The following ATP8A2 variants were observed in gnomAD, a reference collection of about 807,000 sequenced individuals.
The protein encoded by ATP8A2 is ATPase phospholipid transporting 8A2, also known as phospholipid-transporting ATPase IB.
Under a neutral mutation model 165.6 loss-of-function variants are expected in ATP8A2, and 100 were observed. The observed-to-expected ratio is 0.60, with a 90% CI of 0.51 to 0.71. ATP8A2 has a LOEUF of 0.71. Among genes scored for constraint, ATP8A2 ranks in the 30% least tolerant of loss-of-function variants. ATP8A2 has a pLI of 0.00. For synonymous variants in ATP8A2, 543 were observed against 548.8 expected, an observed-to-expected ratio of 0.99 and a Z score of 0.15; for missense variants, 1,227 against 1,479.5, an observed-to-expected ratio of 0.83 and a Z score of 2.80.
Position 25,866,978 on chromosome 13 carries a change from T to C in ATP8A2, c.3183+4570T>C, listed in dbSNP as rs116515286. Among the ~76,000 whole-genome samples, 756 of 152,278 alleles carry C rather than the reference T, an allele frequency of 5.0e-3. 7 individuals are homozygous for C. The highest frequency in any genetic ancestry group is 0.017 in the African/African-American group (701 of 41,558). On this transcript the variant is annotated intron_variant, in intron 33 of 36. Transcript: ENST00000381655. ...CCACGAGACATGAAATCGTTAACCA[T>C]GGAAAAATTCTCCTCACTAACTTTT...
chr13:25,626,122 T>C (rs1259453657), intron 24 of ATP8A2, among the ~76,000 whole-genome samples: 6 of 152,218 alleles, frequency 3.9e-5, no homozygotes, highest in Non-Finnish European at 8.8e-5. Context: ...ATTGTGCAAC[T>C]TTTGGGTGCT....
In ATP8A2 at chr13:25,967,329, G is replaced by C. The variant is rs190598619; in HGVS notation, c.3273-1246G>C. On this transcript the variant is annotated intron_variant, in intron 34 of 36. Coordinates refer to ENST00000381655, the MANE Select transcript of ATP8A2 (RefSeq NM_016529.6). Reference sequence around the variant, plus strand: ...TGTGTGGCTTTCCCTTGTTTACTTTGGGGGAAAGGATGACAGGGGCATATA... The same window carrying C: ...TGTGTGGCTTTCCCTTGTTTACTTTCGGGGAAAGGATGACAGGGGCATATA... Among the ~76,000 whole-genome samples, 3 of 152,236 alleles carry C rather than the reference G, an allele frequency of 2.0e-5. No individual in the cohort carries two copies. In the East Asian group the frequency reaches 5.8e-4, roughly 29 times the overall value.
At chr13:25,589,250 A>G (rs1050535743) in intron 23 of ATP8A2, among the ~76,000 whole-genome samples, 22 of 152,148 alleles carry the variant, frequency 1.4e-4, no homozygotes, top group African/African-American at 5.3e-4. Context: ...TCTTAAAGGA[A>G]GGGAGGGAGC....
intron 2 of ATP8A2, among the ~76,000 whole-genome samples, chr13:25,494,292 T>C (rs2036609449): frequency 6.6e-6 from 1 of 152,204 alleles, no homozygotes; most frequent in Admixed American, 6.5e-5. Flanking sequence ...AAAAGATCAG[T>C]CTGGGTCTGC....
intron 25 of ATP8A2, among the ~76,000 whole-genome samples, chr13:25,742,794 A>G (rs372680468): frequency 6.6e-6 from 1 of 151,800 alleles, no homozygotes; most frequent in Non-Finnish European, 1.5e-5. Flanking sequence ...GTTTTGGGAA[A>G]TGACCTTTGG....
chr13:25,925,730 CTT>C (rs11299784), intron 33 of ATP8A2, among the ~76,000 whole-genome samples: 1,800 of 137,186 alleles, frequency 0.013, 27 homozygotes, highest in African/African-American at 0.04. Flanking sequence ...AGTTGTCAAT[CTT>C]TTTTTTTTTT....
intron 35 of ATP8A2, among the ~76,000 whole-genome samples, chr13:25,989,727 T>G (rs2139285208): frequency 6.6e-6 from 1 of 152,324 alleles, no homozygotes; most frequent in Admixed American, 6.5e-5. Flanking sequence ...ATTTACCTTT[T>G]TATAAGGATC....
Position 26,020,327 on chromosome 13 carries a change from G to T in ATP8A2, c.*342G>T, listed in dbSNP as rs1040777993. ...AGTACTAGTTGTCCTGGGAGAAAGG[G>T]AAAGGAGTTTTATGTTGCGTGAGAG... On this transcript the variant is annotated 3_prime_UTR_variant, in exon 37 of 37. Coordinates refer to ENST00000381655, the MANE Select transcript of ATP8A2 (RefSeq NM_016529.6). 2.0e-5 allele frequency: 5 copies of T among 246,618 alleles called. No individual in the cohort carries two copies. The highest frequency in any genetic ancestry group is 1.4e-3 in the Middle Eastern group (1 of 736). The allele number at this position is 246,618 out of a possible 1,614,324, so 15.3% of individuals were successfully genotyped here.
intron 1 of ATP8A2, among the ~76,000 whole-genome samples, chr13:25,435,918 T>TGTGTGTGTGA (rs1566131230): frequency 1.6e-5 from 2 of 126,770 alleles, no homozygotes; most frequent in African/African-American, 3.2e-5. Context: ...GCATCGTGTG[T>TGTGTGTGTGA]GTGTGTGTGT....
chr13:25,524,909 TCC>T (rs2037791053), intron 2 of ATP8A2, among the ~76,000 whole-genome samples: 1 of 150,438 alleles, frequency 6.6e-6, no homozygotes, highest in Non-Finnish European at 1.5e-5. Flanking sequence ...CTTCCTTCCT[TCC>T]TTCCTTCCTT....
intron 33 of ATP8A2, among the ~76,000 whole-genome samples, chr13:25,895,889 T>C (rs1953528832): frequency 6.6e-6 from 1 of 152,190 alleles, no homozygotes; most frequent in African/African-American, 2.4e-5. Context: ...ATCCCCTTTG[T>C]CATTTTTTAT....
At chr13:25,805,346 A>G (rs1950712065) in intron 27 of ATP8A2, among the ~76,000 whole-genome samples, 2 of 151,980 alleles carry the variant, frequency 1.3e-5, no homozygotes, top group Admixed American at 1.3e-4. Flanking sequence ...CTATCTCTAT[A>G]AAAAATGCAA....
At chr13:25,949,635 G>A (rs1159261272) in intron 33 of ATP8A2, among the ~76,000 whole-genome samples, 1 of 152,164 alleles carries the variant, frequency 6.6e-6, no homozygotes, top group East Asian at 1.9e-4. Flanking sequence ...CTCTGCCAGA[G>A]AAGAGCCCCA....
Position 25,662,957 on chromosome 13 carries a change from C to G in ATP8A2, c.2212-36216C>G, listed in dbSNP as rs2042081519. On this transcript the variant is annotated intron_variant, in intron 24 of 36. Transcript: ENST00000381655. ...GCAAAGGAAAGGGGTTCATCTGGAA[C>G]TGAAATAGCAGAAAGGGAGCAGGAG... 2.6e-5 allele frequency among the ~76,000 whole-genome samples: 4 copies of G among 152,182 alleles called. No individual in the cohort carries two copies. The South Asian group carries it at 8.3e-4, about 31-fold the overall frequency.
intron 24 of ATP8A2, among the ~76,000 whole-genome samples, chr13:25,613,675 CTA>C: frequency 6.6e-6 from 1 of 152,318 alleles, no homozygotes; most frequent in Non-Finnish European, 1.5e-5. Flanking sequence ...CTGAAAAAGA[CTA>C]TCTTTCCTTC....
chr13:25,930,953 A>G (rs952145581), intron 33 of ATP8A2, among the ~76,000 whole-genome samples: 8 of 152,094 alleles, frequency 5.3e-5, no homozygotes, highest in African/African-American at 9.7e-5. Context: ...TCCTGTTGCT[A>G]TTTTAATATG....
chr13:25,414,545 G>A (rs2034078358), intron 1 of ATP8A2, among the ~76,000 whole-genome samples: 1 of 152,158 alleles, frequency 6.6e-6, no homozygotes, highest in African/African-American at 2.4e-5. Flanking sequence ...ATAAGTAAAT[G>A]TAATAAATTT....
chr13:25,911,405 G>A (rs1024496254), intron 33 of ATP8A2, among the ~76,000 whole-genome samples: 1 of 152,056 alleles, frequency 6.6e-6, no homozygotes, highest in African/African-American at 2.4e-5. Flanking sequence ...GATTTGCAGG[G>A]GACTAAAAAG....
chr13:25,927,138 A>G (rs1566275760), intron 33 of ATP8A2: 1 of 456,744 alleles, frequency 2.2e-6, no homozygotes, highest in South Asian at 1.5e-5. Context: ...TCCTGATACG[A>G]GCACACAAAC....
Sources: gnomAD v4.1 joint callset for allele counts (sites outside exome capture counted in the v4.1 genomes callset) on GRCh38, gnomAD v4.1.1 for gene constraint, MANE v1.5 for transcripts, NCBI Gene and HGNC (gene_info 2026-07-23, HGNC 2026-07-21) for gene names.